Variants in MAK observed in about 807,000 individuals in gnomAD.
The protein encoded by MAK is serine/threonine-protein kinase MAK.
A neutral mutation model predicts 82.6 loss-of-function variants in MAK; 65 were observed. The observed-to-expected ratio is 0.79, with a 90% CI of 0.64 to 0.97. The LOEUF (loss-of-function observed/expected upper bound fraction) is 0.97. Ranked by LOEUF, MAK falls within the 50% of genes least tolerant of loss-of-function variation. The probability of loss-of-function intolerance (pLI) is 0.00; values close to 1 mark genes in which losing one functional copy is unlikely to be tolerated. For synonymous variants in MAK, 250 were observed against 274.2 expected (o/e 0.91, Z 0.87); for missense variants, 703 against 780.2 (o/e 0.90, Z 1.18).
intron 2 of MAK, among the ~76,000 whole-genome samples, chr6:10,824,827 A>G (rs1478516941): frequency 1.3e-5 from 2 of 152,110 alleles, no homozygotes; most frequent in Non-Finnish European, 2.9e-5. Flanking sequence ...GGCTTCCACT[A>G]TTCCACTGGA....
chr6:10,771,143 G>A (rs1772978511), intron 13 of MAK, among the ~76,000 whole-genome samples: 1 of 152,130 alleles, frequency 6.6e-6, no homozygotes, highest in Non-Finnish European at 1.5e-5. Context: ...TGATCAGGGT[G>A]TGGTGGTTAC....
At chr6:10,771,771 T>G (rs779342431) in intron 13 of MAK, among the ~76,000 whole-genome samples, 31 of 152,360 alleles carry the variant, frequency 2.0e-4, no homozygotes, top group Non-Finnish European at 4.1e-4. Flanking sequence ...CTATACATGT[T>G]TAACCCTACT....
chr6:10,770,643 G>C (rs994898836), intron 13 of MAK, among the ~76,000 whole-genome samples: 1 of 152,192 alleles, frequency 6.6e-6, no homozygotes, highest in Non-Finnish European at 1.5e-5. Context: ...TAAAATGGTT[G>C]TAAGTGGACC....
intron 14 of MAK, among the ~76,000 whole-genome samples, chr6:10,768,641 T>C (rs1772692356): frequency 6.6e-6 from 1 of 152,190 alleles, no homozygotes; most frequent in Non-Finnish European, 1.5e-5. Context: ...GCTTAAATAT[T>C]TGAGGCCTTA....
chr6:10,824,311 A>G (rs1778191671), intron 2 of MAK, among the ~76,000 whole-genome samples: 1 of 152,158 alleles, frequency 6.6e-6, no homozygotes, highest in African/African-American at 2.4e-5. Context: ...AGACCTAACA[A>G]CCTAACTTCA....
intron 10 of MAK, chr6:10,784,920 GT>G (rs2127533554): frequency 4.1e-6 from 2 of 483,588 alleles, no homozygotes; most frequent in East Asian, 1.2e-4. Flanking sequence ...ATCTTCACCT[GT>G]TGACTAAAAT....
intron 14 of MAK, among the ~76,000 whole-genome samples, chr6:10,764,955 G>A (rs1772263347): frequency 6.6e-6 from 1 of 152,024 alleles, no homozygotes; most frequent in Admixed American, 6.6e-5. Flanking sequence ...AATCAGCTGA[G>A]CGTGGTGGCG....
intron 14 of MAK, among the ~76,000 whole-genome samples, chr6:10,765,319 C>A (rs919712675): frequency 1.1e-4 from 17 of 152,006 alleles, no homozygotes; most frequent in African/African-American, 4.1e-4. Flanking sequence ...GACACAATAT[C>A]ACTACAGAAA....
chr6:10,817,129 A>AGTGTGTGTGT (rs60627741), intron 4 of MAK, among the ~76,000 whole-genome samples: 5,447 of 149,890 alleles, frequency 0.036, 135 homozygotes, highest in African/African-American at 0.069. Context: ...CTTGAGCGAG[A>AGTGTGTGTGT]GTGTGTGTGT....
intron 2 of MAK, among the ~76,000 whole-genome samples, chr6:10,824,468 A>T (rs1778204857): frequency 6.6e-6 from 1 of 152,026 alleles, no homozygotes; most frequent in Non-Finnish European, 1.5e-5. Flanking sequence ...CCCCACCATC[A>T]GCCTTTCACC....
chr6:10,779,499 T>G (rs1773766737), intron 11 of MAK: 2 of 984,682 alleles, frequency 2.0e-6, no homozygotes, highest in Non-Finnish European at 2.4e-6. Flanking sequence ...CATGCTGCCC[T>G]GCAATTATAT....
chr6:10,833,649 G>A (rs750337210), intron 1 of MAK, among the ~76,000 whole-genome samples: 2 of 149,694 alleles, frequency 1.3e-5, no homozygotes, highest in African/African-American at 2.4e-5. Context: ...TAGGGAGTAC[G>A]TATTTAACAT....
chr6:10,836,729 C>T (rs1434202316), intron 1 of MAK, among the ~76,000 whole-genome samples: 11 of 152,126 alleles, frequency 7.2e-5, no homozygotes, highest in African/African-American at 2.2e-4. Flanking sequence ...AGATATGATA[C>T]ATATGCAACA....
intron 8 of MAK, among the ~76,000 whole-genome samples, chr6:10,798,852 C>T (rs1460190697): frequency 6.7e-6 from 1 of 150,234 alleles, no homozygotes; most frequent in Non-Finnish European, 1.5e-5. Context: ...ATTTTTGAGA[C>T]AGAGTCTCAC....
At chr6:10,765,439 GA>G (rs1772321385) in intron 14 of MAK, among the ~76,000 whole-genome samples, 1 of 111,782 alleles carries the variant, frequency 8.9e-6, no homozygotes, top group Non-Finnish European at 1.7e-5. Flanking sequence ...TTAGAATGAA[GA>G]TTTTTTTTTT....
At chr6:10,813,761 A>C in intron 4 of MAK, 38 bp from the exon 5 acceptor site, 1 of 1,124,350 alleles carries the variant, frequency 8.9e-7, no homozygotes, top group Non-Finnish European at 1.4e-6. Flanking sequence ...TCTGTTAAGC[A>C]ACCAGCCAAC....
chr6:10,784,750 TG>T, intron 10 of MAK, 178 bp from the exon 11 acceptor site: 1 of 683,402 alleles, frequency 1.5e-6, no homozygotes, highest in East Asian at 2.8e-5. Context: ...GCGTAGATAT[TG>T]GGTCGTGCAC....
intron 2 of MAK, among the ~76,000 whole-genome samples, chr6:10,823,019 C>A (rs1217139723): frequency 6.6e-6 from 1 of 152,170 alleles, no homozygotes; most frequent in Non-Finnish European, 1.5e-5. Flanking sequence ...TCTAACCATT[C>A]CCCCTCCAAC....
chr6:10,795,158 GA>G lies in MAK; in HGVS notation c.1143+839del, dbSNP rs1172097451. On this transcript the variant is annotated intron_variant, in intron 9 of 14. Coordinates refer to ENST00000354489, the MANE Select transcript of MAK (RefSeq NM_001242957.3). ...TTCTTTCTTTGAATTCTTCTGCATTGAAAGAATTTTAGGCCGGGCTTGGTGG... is the reference window on the plus strand; with the variant it reads ...TTCTTTCTTTGAATTCTTCTGCATTGAAGAATTTTAGGCCGGGCTTGGTGG... Among the ~76,000 whole-genome samples the G allele has an allele frequency of 2.0e-4, 30 of 151,722 alleles. 1 individual carries two copies. The highest frequency in any genetic ancestry group is 2.0e-3 in the Admixed American group (30 of 15,224).
Sources: gnomAD v4.1 joint callset for allele counts (sites outside exome capture counted in the v4.1 genomes callset) on GRCh38, gnomAD v4.1.1 for gene constraint, MANE v1.5 for transcripts, NCBI Gene and HGNC (gene_info 2026-07-23, HGNC 2026-07-21) for gene names.